Variants in PHGDH observed in about 807,000 individuals in gnomAD.
PHGDH encodes D-3-phosphoglycerate dehydrogenase.
Under a neutral mutation model 52.6 loss-of-function variants are expected in PHGDH, and 50 were observed. The observed-to-expected ratio is 0.95, with a 90% confidence interval of 0.76 to 1.20. PHGDH has a LOEUF of 1.20. PHGDH is among the 50% of genes most tolerant of loss of function. The probability of loss-of-function intolerance (pLI) is 0.00; values close to 1 mark genes in which losing one functional copy is unlikely to be tolerated. For missense variants in PHGDH, 630 were observed against 684.6 expected (o/e 0.92, Z 0.89); for synonymous variants, 271 against 280.5 (o/e 0.97, Z 0.34).
intron 8 of PHGDH, 62 bp from the exon 9 acceptor site, chr1:119,740,324 T>A (rs2101215622): frequency 6.2e-7 from 1 of 1,600,294 alleles, no homozygotes; most frequent in South Asian, 1.1e-5. Context: ...GGCAGCCAGA[T>A]CTTGATTCAG....
Position 119,740,438 on chromosome 1 carries a change from T to C in PHGDH, c.998T>C (p.Ile333Thr). The change falls in exon 9 of 12, where the codon ATT becomes ACT. Residue 333 changes from isoleucine to threonine, a missense_variant. Transcript: ENST00000641023. ...SAFSPHTKPW[I>T]GLAEALGTLM... ...TTCTCTCCACACACCAAGCCTTGGA[T>C]TGGTCTGGCAGAAGCTCTGGGGACA... The C allele has an allele frequency of 1.9e-6, 3 of 1,613,470 alleles. No homozygotes were observed. The highest frequency in any genetic ancestry group is 2.2e-5 in the South Asian group (2 of 90,822).
At chr1:119,722,279 G>T (rs1345832289) in intron 2 of PHGDH, among the ~76,000 whole-genome samples, 1 of 152,114 alleles carries the variant, frequency 6.6e-6, no homozygotes, top group Non-Finnish European at 1.5e-5. Flanking sequence ...GACTCTGAGA[G>T]TCCGTTTATC....
intron 9 of PHGDH, 56 bp downstream of exon 9, chr1:119,740,574 C>T: frequency 2.1e-6 from 3 of 1,432,380 alleles, no homozygotes; most frequent in Non-Finnish European, 1.9e-6. Context: ...AGTGTGGGAT[C>T]TGCCCTGCTG....
In PHGDH at chr1:119,741,505, G is replaced by A. The variant is rs587746081; in HGVS notation, c.1079-262G>A. ...GGATGGCCAAGCCAGGTGCAGGGTT[G>A]GGGAGCGGAGTGGAGTTGAGCTGAG... is the stretch of plus-strand genomic sequence containing the variant. On this transcript the variant is annotated intron_variant, in intron 9 of 11. Transcript: ENST00000641023. Among the ~76,000 whole-genome samples, 9 of 152,322 alleles carry A rather than the reference G, an allele frequency of 5.9e-5. No individual in the cohort carries two copies. The South Asian group carries it at 1.2e-3, about 21-fold the overall frequency.
chr1:119,712,290 G>A (rs138275645), intron 1 of PHGDH, 130 bp downstream of exon 1: 6 of 792,324 alleles, frequency 7.6e-6, no homozygotes, highest in East Asian at 5.5e-5. Flanking sequence ...CTGAGATTGG[G>A]GGGTAGAGAA....
At chr1:119,716,292 G>T (rs904589230) in intron 1 of PHGDH, among the ~76,000 whole-genome samples, 1 of 152,098 alleles carries the variant, frequency 6.6e-6, no homozygotes, top group Non-Finnish European at 1.5e-5. Context: ...TAGTTTCCCT[G>T]GCACCAAAGA....
chr1:119,714,832 G>A (rs1207578719), intron 1 of PHGDH, among the ~76,000 whole-genome samples: 1 of 152,148 alleles, frequency 6.6e-6, no homozygotes, highest in African/African-American at 2.4e-5. Flanking sequence ...TGGGAGGATC[G>A]CTTGAGCCTA....
intron 2 of PHGDH, chr1:119,721,537 C>T (rs1651166580): frequency 3.6e-6 from 2 of 555,556 alleles, no homozygotes; most frequent in South Asian, 4.9e-5. Context: ...TCACCAATGC[C>T]ATCAGGGTGT....
chr1:119,738,067 G>GT (rs370672656), intron 8 of PHGDH, among the ~76,000 whole-genome samples: 80 of 146,782 alleles, frequency 5.5e-4, no homozygotes, highest in East Asian at 1.6e-3. Flanking sequence ...TCCATGGGGT[G>GT]TTTTTTTTTT....
At chr1:119,731,426 A>G (rs953767328) in intron 5 of PHGDH, among the ~76,000 whole-genome samples, 2 of 152,230 alleles carry the variant, frequency 1.3e-5, no homozygotes, top group African/African-American at 4.8e-5. Context: ...CTTGTGCTTT[A>G]TGATCAAGGT....
chr1:119,735,493 A>C, intron 7 of PHGDH, 50 bp downstream of exon 7: 1 of 1,568,108 alleles, frequency 6.4e-7, no homozygotes, highest in Non-Finnish European at 8.7e-7. Context: ...GATAGGGAGC[A>C]GAGAGGCCCA....
intron 2 of PHGDH, among the ~76,000 whole-genome samples, chr1:119,722,054 C>G (rs1434424239): frequency 2.6e-5 from 4 of 152,246 alleles, no homozygotes; most frequent in Non-Finnish European, 5.9e-5. Context: ...CCTTTCCCCT[C>G]CCCTGCACTG....
At chr1:119,739,416 T>G (rs1006518202) in intron 8 of PHGDH, 1 of 152,136 alleles carries the variant, frequency 6.6e-6, no homozygotes, top group Non-Finnish European at 1.5e-5. Flanking sequence ...TTGGAGAGGA[T>G]CCAGGAGCCA....
chr1:119,738,772 C>A (rs1458566068), intron 8 of PHGDH, among the ~76,000 whole-genome samples: 1 of 91,070 alleles, frequency 1.1e-5, no homozygotes. Context: ...TCTGGCAGAG[C>A]GAGGGGGTGG....
At chr1:119,727,556 C>T (rs587740097) in intron 5 of PHGDH, 107 of 222,744 alleles carry the variant, frequency 4.8e-4, no homozygotes, top group Admixed American at 4.4e-3. Context: ...GTTGGCCGGG[C>T]GCGGTGGCTC....
chr1:119,739,711 A>C (rs1050847982), intron 8 of PHGDH: 2 of 152,362 alleles, frequency 1.3e-5, no homozygotes, highest in African/African-American at 4.8e-5. Flanking sequence ...ATTTTGAACC[A>C]CAAAATGGAA....
At chr1:119,712,725 CT>C (rs1183183263) in intron 1 of PHGDH, 5 of 179,772 alleles carry the variant, frequency 2.8e-5, no homozygotes, top group Non-Finnish European at 4.7e-5. Flanking sequence ...CCCAACCAGT[CT>C]GGTGGCTGCT....
chr1:119,740,324 T>C, intron 8 of PHGDH, 62 bp from the exon 9 acceptor site: 1 of 1,600,294 alleles, frequency 6.2e-7, no homozygotes, highest in Non-Finnish European at 8.6e-7. Context: ...GGCAGCCAGA[T>C]CTTGATTCAG....
intron 5 of PHGDH, 71 bp from the exon 6 acceptor site, chr1:119,734,563 T>C: frequency 6.8e-7 from 1 of 1,471,022 alleles, no homozygotes; most frequent in Non-Finnish European, 9.5e-7. Context: ...AAAAAATGTT[T>C]GCCATTCTTA....
Sources: gnomAD v4.1 joint callset for allele counts (sites outside exome capture counted in the v4.1 genomes callset) on GRCh38, gnomAD v4.1.1 for gene constraint, MANE v1.5 for transcripts, NCBI Gene and HGNC (gene_info 2026-07-23, HGNC 2026-07-21) for gene names.